The following CGN variants were observed in gnomAD, a reference collection of about 807,000 sequenced individuals.
The protein encoded by CGN is cingulin.
A neutral mutation model predicts 157.1 loss-of-function variants in CGN; 121 were observed. That is an observed-to-expected ratio of 0.77 (90% CI 0.66 to 0.90). The LOEUF (loss-of-function observed/expected upper bound fraction) is 0.90. CGN is among the 40% of genes least tolerant of loss of function. CGN has a pLI of 0.00. For synonymous variants in CGN, 535 were observed against 607.5 expected (o/e 0.88, Z 1.76); for missense variants, 1,424 against 1,520.9 (o/e 0.94, Z 1.06).
intron 1 of CGN, among the ~76,000 whole-genome samples, chr1:151,516,354 A>C (rs938624214): frequency 2.8e-4 from 43 of 152,074 alleles, no homozygotes; most frequent in African/African-American, 1.0e-3. Flanking sequence ...GGGGAAGCTG[A>C]ATTTTTTTAT....
Position 151,529,939 on chromosome 1 carries a change from G to A in CGN, c.2137G>A (p.Val713Met), listed in dbSNP as rs776228914. The A allele has an allele frequency of 6.2e-7, 1 of 1,614,132 alleles. No homozygotes were observed. Among genetic ancestry groups the A allele is most frequent in the East Asian group, 2.2e-5 (1 of 44,880 alleles). ...AKMVAEAEAT[V>M]LGQRRAAVET... ...GATGGTGGCCGAGGCAGAGGCAACA[G>A]TGCTGGGGCAGCGGCGGGCCGCAGT... The change falls in exon 12 of 21, where the codon GTG becomes ATG. Residue 713 changes from valine (V) to methionine (M), a missense_variant. Val to Met is a conservative substitution (Grantham distance 21, BLOSUM62 1). Transcript: ENST00000271636.
chr1:151,536,251 T>G lies in CGN; in HGVS notation c.3212T>G (p.Leu1071Arg). 1 of 1,603,046 alleles carries G rather than the reference T, an allele frequency of 6.2e-7. No individual in the cohort carries two copies. The highest frequency in any genetic ancestry group is 8.5e-7 in the Non-Finnish European group (1 of 1,169,856). Reference protein sequence around the residue: ...LQAEEREKTVLQSTNRKLERK... With the variant: ...LQAEEREKTVRQSTNRKLERK... ...CCTCACCTTAGGGAGAAGACAGTTCTGCAGTCTACCAATCGAAAACTGGAG... is the reference window on the plus strand; with the variant it reads ...CCTCACCTTAGGGAGAAGACAGTTCGGCAGTCTACCAATCGAAAACTGGAG... Residue 1071 changes from leucine to arginine, a missense_variant, in exon 19 of 21, where the codon CTG (leucine) becomes CGG (arginine). Transcript: ENST00000271636.
At chr1:151,535,950 C>T in intron 18 of CGN, 52 bp downstream of exon 18, 2 of 1,438,442 alleles carry the variant, frequency 1.4e-6, no homozygotes, top group South Asian at 1.2e-5. Context: ...TTCCTCCCTC[C>T]CTCTTGGCTT....
chr1:151,516,972 C>T (rs1171909032), intron 1 of CGN, among the ~76,000 whole-genome samples: 1 of 151,376 alleles, frequency 6.6e-6, no homozygotes, highest in Non-Finnish European at 1.5e-5. Context: ...CCAGCCTGGC[C>T]AATATGGTGA....
chr1:151,520,549 A>T, intron 4 of CGN, 47 bp from the exon 5 acceptor site: 3 of 1,612,314 alleles, frequency 1.9e-6, no homozygotes, highest in Non-Finnish European at 2.5e-6. Context: ...CAGGGGATCC[A>T]GACTTGGACT....
In CGN at chr1:151,532,554, G is replaced by C. The variant is rs757274523; in HGVS notation, c.2724G>C (p.Leu908=). 2 of 1,549,930 alleles carry C rather than the reference G, an allele frequency of 1.3e-6. No homozygotes were observed. Among genetic ancestry groups the C allele is most frequent in the Admixed American group, 2.1e-5 (1 of 46,908 alleles). The change falls in exon 14 of 21, where the codon CTG becomes CTC. Residue 908 remains leucine, a synonymous_variant. Transcript: ENST00000271636. ...ASEAEKTSGG[L]SRLQDEIQRL... The stretch of plus-strand genomic sequence containing the variant: ...AGGCTGAGAAGACCTCTGGAGGACT[G>C]AGCCGACTTCAGGATGAGGTAGAAG...
Position 151,524,490 on chromosome 1 carries a change from T to C in CGN, c.1401+132T>C. ...TACAGGTACTCAGTGTGCTTTCAGG[T>C]AGATTCAATGGTGTGTTGGGACTAG... On this transcript the variant is annotated intron_variant, in intron 7 of 20. Coordinates refer to ENST00000271636, the MANE Select transcript of CGN (RefSeq NM_020770.3). This position sits in a 1 kb window ranked among gnomAD's most constrained non-coding sequence, Gnocchi z 4.4. The C allele has an allele frequency of 2.2e-6, 3 of 1,380,692 alleles. No homozygotes were observed. Among genetic ancestry groups the C allele is most frequent in the Non-Finnish European group, 3.0e-6 (3 of 1,005,224 alleles). 85.5% of individuals were successfully genotyped at this position (1,380,692 alleles called of 1,614,324 possible). A position where few individuals can be genotyped will look rare whatever the true frequency, so the allele number is the denominator to read the frequency against.
At chr1:151,536,702 A>C (rs939943943) in intron 19 of CGN, 28 bp from the exon 20 acceptor site, 5 of 1,612,190 alleles carry the variant, frequency 3.1e-6, no homozygotes, top group Non-Finnish European at 4.2e-6. Context: ...GATGCTATTC[A>C]GATGTGTGGA....
At chr1:151,516,579 G>T (rs1464462778) in intron 1 of CGN, among the ~76,000 whole-genome samples, 1 of 139,050 alleles carries the variant, frequency 7.2e-6, no homozygotes, top group Non-Finnish European at 1.5e-5. Context: ...TTTCACTCTT[G>T]TTGCCCAGGC....
chr1:151,531,701 AAAAAG>A (rs1476658791), intron 13 of CGN, among the ~76,000 whole-genome samples: 1 of 152,238 alleles, frequency 6.6e-6, no homozygotes, highest in Non-Finnish European at 1.5e-5. Flanking sequence ...AAAAGAAAGA[AAAAAG>A]AAAAGGAAAT....
intron 1 of CGN, among the ~76,000 whole-genome samples, chr1:151,513,112 C>A (rs969367061): frequency 1.3e-5 from 2 of 152,228 alleles, no homozygotes; most frequent in African/African-American, 4.8e-5. Context: ...TCCCTCCCTG[C>A]CCTCTGTCCT....
chr1:151,520,742 C>T lies in CGN; in HGVS notation c.1140+51C>T, dbSNP rs188398781. The T allele has an allele frequency of 2.4e-4, 354 of 1,498,540 alleles. 2 individuals are homozygous for T. In the East Asian group the frequency reaches 4.9e-3, roughly 21 times the overall value. The allele number at this position is 1,498,540 out of a possible 1,614,324, so 92.8% of individuals were successfully genotyped here. A position where few individuals can be genotyped will look rare whatever the true frequency, so the allele number is the denominator to read the frequency against. ...GGCATGAAGGAAAACAGGGAAAAAG[C>T]CTTGGCCTGGAGATGGGCTGAGCTG... On this transcript the variant is annotated intron_variant, in intron 5 of 20. Coordinates refer to ENST00000271636, the MANE Select transcript of CGN (RefSeq NM_020770.3).
At chr1:151,523,406 C>A in intron 5 of CGN, 28 bp from the exon 6 acceptor site, 1 of 1,580,940 alleles carries the variant, frequency 6.3e-7, no homozygotes, top group Non-Finnish European at 8.6e-7. Context: ...CTACCCTCTA[C>A]CTGCTGTACT....
At chr1:151,531,852 TGA>T (rs1420544920) in intron 13 of CGN, among the ~76,000 whole-genome samples, 2 of 152,220 alleles carry the variant, frequency 1.3e-5, no homozygotes, top group Non-Finnish European at 2.9e-5. Context: ...CATTTGTCAA[TGA>T]AAAATGCACA....
intron 14 of CGN, among the ~76,000 whole-genome samples, chr1:151,533,664 C>T (rs1020584945): frequency 6.6e-6 from 1 of 151,626 alleles, no homozygotes; most frequent in Non-Finnish European, 1.5e-5. Context: ...CGTGGTGGCA[C>T]ATGCCTGTAG....
Position 151,519,382 on chromosome 1 carries a change from C to G in CGN, c.863C>G (p.Thr288Ser). The G allele has an allele frequency of 6.3e-7, 1 of 1,591,984 alleles. No homozygotes were observed. Residue 288 changes from threonine to serine, a missense_variant, in exon 2 of 21, where the codon ACC (threonine) becomes AGC (serine). By Grantham distance (58) the Thr-to-Ser change is moderately conservative. Coordinates refer to ENST00000271636, the MANE Select transcript of CGN (RefSeq NM_020770.3). ...CCGCGGAGGAGTGCACAGGACCCCA[C>G]CATGCTGCAGGTCAGACCCAGCCCC... ...EEPRRSAQDP[T>S]MLQFKSTPDL...
chr1:151,521,764 G>A (rs1033577882), intron 5 of CGN, among the ~76,000 whole-genome samples: 1 of 152,194 alleles, frequency 6.6e-6, no homozygotes, highest in Admixed American at 6.5e-5. Flanking sequence ...CTTGCACCCG[G>A]GAGGTGGAGG....
chr1:151,523,182 C>T (rs1020290969), intron 5 of CGN, among the ~76,000 whole-genome samples: 6 of 152,230 alleles, frequency 3.9e-5, no homozygotes, highest in Non-Finnish European at 5.9e-5. Context: ...AAGTCAAGCC[C>T]GTGCTCGAGG....
At chr1:151,531,105 C>T (rs192274707) in intron 13 of CGN, among the ~76,000 whole-genome samples, 10 of 151,558 alleles carry the variant, frequency 6.6e-5, no homozygotes, top group African/African-American at 2.2e-4. Context: ...CATGCCACTG[C>T]ACTTCAGCCT....
Sources: allele counts gnomAD v4.1 joint callset (sites outside exome capture counted in the v4.1 genomes callset), GRCh38; gene constraint gnomAD v4.1.1; non-coding constraint Gnocchi (gnomAD v3.1); transcripts MANE v1.5; gene names NCBI Gene and HGNC (gene_info 2026-07-23, HGNC 2026-07-21).